The following SYTL2 variants were observed in gnomAD, a reference collection of about 807,000 sequenced individuals.
SYTL2 encodes synaptotagmin-like protein 2.
In SYTL2, 165 loss-of-function variants were observed where a neutral mutation model predicts 198.7. That is an observed-to-expected ratio of 0.83 (90% CI 0.73 to 0.94). The LOEUF is 0.94. Ranked by LOEUF, SYTL2 falls within the 40% of genes least tolerant of loss-of-function variation. SYTL2 has a pLI of 0.00. For missense variants in SYTL2, 2,835 were observed against 2,582.8 expected, an observed-to-expected ratio of 1.10 and a Z score of -2.12; for synonymous variants, 966 against 917.7, an observed-to-expected ratio of 1.05 and a Z score of -0.95.
At chr11:85,789,336 G>A (rs865863780) in intron 1 of SYTL2, among the ~76,000 whole-genome samples, 3 of 24,354 alleles carry the variant, frequency 1.2e-4, no homozygotes, top group African/African-American at 2.1e-4. Flanking sequence ...GTGTGTGTGT[G>A]TGTGTATATA....
intron 2 of SYTL2, among the ~76,000 whole-genome samples, chr11:85,755,938 C>T (rs941541198): frequency 6.6e-6 from 1 of 152,168 alleles, no homozygotes; most frequent in African/African-American, 2.4e-5. Context: ...AGACTCAGTG[C>T]AGTCCCAGCT....
intron 2 of SYTL2, among the ~76,000 whole-genome samples, chr11:85,749,205 T>C (rs2091360794): frequency 2.0e-5 from 3 of 152,152 alleles, no homozygotes. Context: ...TTGTTCTAAC[T>C]GACAAGTCTT....
At chr11:85,745,604 AT>A in intron 4 of SYTL2, 32 bp downstream of exon 4, 2 of 1,596,690 alleles carry the variant, frequency 1.3e-6, no homozygotes, top group Non-Finnish European at 1.7e-6. Context: ...TGAAAGCCAC[AT>A]GCAGCAGCTC....
intron 15 of SYTL2, among the ~76,000 whole-genome samples, chr11:85,705,506 A>T (rs1002623710): frequency 1.8e-4 from 28 of 152,236 alleles, no homozygotes; most frequent in Admixed American, 1.6e-3. Context: ...GCTGCCACAT[A>T]CACACACCTC....
chr11:85,852,392 C>T, the SYTL2 span, among the ~76,000 whole-genome samples: 1 of 151,874 alleles, frequency 6.6e-6, no homozygotes, highest in African/African-American at 2.4e-5. Flanking sequence ...TCTCCCTCTC[C>T]CTCTCTATCC....
intron 1 of SYTL2, among the ~76,000 whole-genome samples, chr11:85,762,892 G>A (rs192322664): frequency 9.7e-4 from 147 of 152,012 alleles, no homozygotes; most frequent in Non-Finnish European, 9.7e-4. Flanking sequence ...GTCTCCCAGT[G>A]ATTTGTATTC....
chr11:85,759,103 G>T (rs1591943779), intron 1 of SYTL2, among the ~76,000 whole-genome samples: 1 of 151,988 alleles, frequency 6.6e-6, no homozygotes, highest in Admixed American at 6.5e-5. Context: ...AAAATTAGCT[G>T]GGTGTGGTGA....
At chr11:85,705,764 T>C (rs1473508721) in intron 15 of SYTL2, among the ~76,000 whole-genome samples, 3 of 152,232 alleles carry the variant, frequency 2.0e-5, no homozygotes, top group Non-Finnish European at 4.4e-5. Flanking sequence ...TAAGTCTGCC[T>C]TTCTCTGAGC....
At chr11:85,845,038 A>G in the SYTL2 span, among the ~76,000 whole-genome samples, 3 of 152,118 alleles carry the variant, frequency 2.0e-5, no homozygotes. Context: ...CCTCTGTCCC[A>G]GGCCCTCCCA....
chr11:85,843,334 C>A, the SYTL2 span, among the ~76,000 whole-genome samples: 2 of 152,106 alleles, frequency 1.3e-5, no homozygotes, highest in Non-Finnish European at 2.9e-5. Flanking sequence ...TGCCACTGCA[C>A]TCCAGCCTGG....
At chr11:85,723,800 G>C (rs1490253581) in intron 8 of SYTL2, among the ~76,000 whole-genome samples, 1 of 150,608 alleles carries the variant, frequency 6.6e-6, no homozygotes, top group Non-Finnish European at 1.5e-5. Context: ...AAAGTCTCAG[G>C]AACACAGAAG....
intron 2 of SYTL2, among the ~76,000 whole-genome samples, chr11:85,754,054 A>C (rs2091713672): frequency 6.6e-6 from 1 of 152,158 alleles, no homozygotes; most frequent in Non-Finnish European, 1.5e-5. Flanking sequence ...GAAAAGTCTG[A>C]ATTTTAGTAA....
At chr11:85,784,471 TTC>T (rs2153607802) in intron 1 of SYTL2, among the ~76,000 whole-genome samples, 1 of 152,278 alleles carries the variant, frequency 6.6e-6, no homozygotes, top group South Asian at 2.1e-4. Flanking sequence ...AGATATGATA[TTC>T]TCTGTCTTAC....
intron 1 of SYTL2, among the ~76,000 whole-genome samples, chr11:85,797,638 A>AG (rs2092822613): frequency 1.3e-5 from 2 of 152,110 alleles, no homozygotes; most frequent in East Asian, 3.9e-4. Flanking sequence ...AAAAAAAAAA[A>AG]AAGAAAAGAA....
intron 11 of SYTL2, chr11:85,716,433 T>C: frequency 6.6e-6 from 1 of 152,210 alleles, no homozygotes; most frequent in East Asian, 1.9e-4. Flanking sequence ...CCTTCACTGC[T>C]GGCAGGAGGA....
chr11:85,832,756 T>C, the SYTL2 span, among the ~76,000 whole-genome samples: 1 of 146,782 alleles, frequency 6.8e-6, no homozygotes, highest in Admixed American at 6.8e-5. Context: ...TTTGGGAGGA[T>C]GATGCAGTAA....
chr11:85,732,649 A>G (rs780936606), intron 7 of SYTL2, among the ~76,000 whole-genome samples: 85 of 152,294 alleles, frequency 5.6e-4, no homozygotes, highest in Admixed American at 1.1e-3. Flanking sequence ...TGTAGGTGAC[A>G]GGTTGATGGG....
intron 8 of SYTL2, among the ~76,000 whole-genome samples, chr11:85,722,741 G>T (rs192982794): frequency 1.4e-4 from 22 of 151,900 alleles, no homozygotes; most frequent in Non-Finnish European, 2.8e-4. Context: ...TAAATTTAGA[G>T]ATTTAATTAG....
chr11:85,849,969 G>A, the SYTL2 span, among the ~76,000 whole-genome samples: 4 of 146,932 alleles, frequency 2.7e-5, no homozygotes, highest in South Asian at 8.6e-4. Flanking sequence ...TCGTTGAGCA[G>A]TGGTTTGTAG....
Sources: gnomAD v4.1 joint callset for allele counts (sites outside exome capture counted in the v4.1 genomes callset) on GRCh38, gnomAD v4.1.1 for gene constraint, MANE v1.5 for transcripts, NCBI Gene and HGNC (gene_info 2026-07-23, HGNC 2026-07-21) for gene names.